Variants in ADK observed in about 807,000 individuals in gnomAD.
ADK encodes the protein adenosine kinase.
In ADK, 24 loss-of-function variants were observed where a neutral mutation model predicts 44.7. That is an observed-to-expected ratio of 0.54 (90% CI 0.39 to 0.76). The LOEUF is 0.76. ADK is among the 30% of genes least tolerant of loss of function. ADK has a pLI of 0.00. For synonymous variants in ADK, 128 were observed against 142.6 expected (o/e 0.90, Z 0.73); for missense variants, 321 against 425.1 (o/e 0.76, Z 2.15).
intron 1 of ADK, chr10:74,176,750 A>G (rs989814601): frequency 2.6e-6 from 4 of 1,542,072 alleles, no homozygotes; most frequent in Admixed American, 3.8e-5. Context: ...GGGGTGTGTG[A>G]GGACGCGCTC....
intron 6 of ADK, among the ~76,000 whole-genome samples, chr10:74,478,888 G>A (rs779751616): frequency 3.8e-4 from 58 of 152,266 alleles, no homozygotes; most frequent in Middle Eastern, 6.8e-3. Flanking sequence ...TTGAATTCCC[G>A]TGCCTTTACT....
intron 9 of ADK, among the ~76,000 whole-genome samples, chr10:74,631,543 C>A (rs1322168190): frequency 6.6e-6 from 1 of 151,862 alleles, no homozygotes; most frequent in Non-Finnish European, 1.5e-5. Flanking sequence ...CAGACGTGAG[C>A]CACTGTGCCT....
At chr10:74,660,646 C>G (rs1854676698) in intron 9 of ADK, among the ~76,000 whole-genome samples, 2 of 146,214 alleles carry the variant, frequency 1.4e-5, no homozygotes, top group Admixed American at 7.1e-5. Context: ...AGGAGGATCA[C>G]TTGAGCCAGG....
chr10:74,645,834 A>G (rs1056479111), intron 9 of ADK, among the ~76,000 whole-genome samples: 10 of 152,212 alleles, frequency 6.6e-5, no homozygotes, highest in African/African-American at 2.4e-4. Context: ...TTTCAAGGCT[A>G]TGCAAATTGT....
At chr10:74,214,740 CT>C (rs781087589) in intron 2 of ADK, among the ~76,000 whole-genome samples, 34 of 152,282 alleles carry the variant, frequency 2.2e-4, no homozygotes, top group Non-Finnish European at 4.0e-4. Context: ...TAAAAGTGCC[CT>C]TTCCTCCCTT....
At chr10:74,557,636 G>T (rs1227735965) in intron 7 of ADK, among the ~76,000 whole-genome samples, 1 of 152,060 alleles carries the variant, frequency 6.6e-6, no homozygotes, top group Admixed American at 6.6e-5. Flanking sequence ...AGAGAGAGAA[G>T]GGCATTTATT....
intron 10 of ADK, among the ~76,000 whole-genome samples, chr10:74,687,077 T>C (rs1325220815): frequency 6.6e-6 from 1 of 152,212 alleles, no homozygotes; most frequent in East Asian, 1.9e-4. Flanking sequence ...GAAGTAATGT[T>C]TATAAAGCAC....
At chr10:74,238,172 CTTT>C (rs961427398) in intron 3 of ADK, among the ~76,000 whole-genome samples, 29 of 152,254 alleles carry the variant, frequency 1.9e-4, no homozygotes, top group African/African-American at 6.7e-4. Context: ...CGCCCGTCTT[CTTT>C]TTTAAGAGCA....
chr10:74,495,403 G>A (rs543832096), intron 6 of ADK, among the ~76,000 whole-genome samples: 1 of 151,956 alleles, frequency 6.6e-6, no homozygotes, highest in South Asian at 2.1e-4. Context: ...ACTAGACAAT[G>A]TACAAAATGA....
intron 4 of ADK, among the ~76,000 whole-genome samples, chr10:74,366,379 A>G (rs1842499596): frequency 6.6e-6 from 1 of 152,188 alleles, no homozygotes; most frequent in African/African-American, 2.4e-5. Context: ...AGTAGCCTTC[A>G]TTGGTTGATA....
intron 7 of ADK, among the ~76,000 whole-genome samples, chr10:74,579,939 A>G (rs1249816113): frequency 6.6e-6 from 1 of 152,198 alleles, no homozygotes; most frequent in African/African-American, 2.4e-5. Context: ...CTTTTTTAGT[A>G]CTCAAAAGAA....
chr10:74,259,214 G>T (rs1845947531), intron 3 of ADK, among the ~76,000 whole-genome samples: 1 of 151,530 alleles, frequency 6.6e-6, no homozygotes, highest in Non-Finnish European at 1.5e-5. Flanking sequence ...CAAAGTGTTG[G>T]GATTACAGGT....
intron 9 of ADK, among the ~76,000 whole-genome samples, chr10:74,639,416 CTATA>C (rs1266306097): frequency 6.6e-6 from 1 of 152,162 alleles, no homozygotes; most frequent in Non-Finnish European, 1.5e-5. Flanking sequence ...CAACTTGAAA[CTATA>C]TATATTATGT....
Position 74,589,299 on chromosome 10 carries a change from T to G in ADK, c.744T>G (p.Ala248=), listed in dbSNP as rs1851638296. 6.2e-7 allele frequency: 1 copy of G among 1,613,654 alleles called. No individual in the cohort carries two copies. Among genetic ancestry groups the G allele is most frequent in the African/African-American group, 1.3e-5 (1 of 74,856 alleles). ...FGNETEAATF[A]REQGFETKDI... ...TATTTCAGGAAGCTGCCACTTTTGC[T>G]AGAGAGCAAGGCTTTGAGGTGAGTT... Residue 248 remains alanine, a synonymous_variant, in exon 8 of 11, where the codon GCT becomes GCG. Coordinates refer to ENST00000539909, the MANE Select transcript of ADK (RefSeq NM_006721.4).
chr10:74,392,319 G>A (rs1843363338), intron 4 of ADK, among the ~76,000 whole-genome samples: 1 of 152,108 alleles, frequency 6.6e-6, no homozygotes, highest in South Asian at 2.1e-4. Flanking sequence ...CATTTTGCCA[G>A]CATTTTTTGT....
At chr10:74,472,972 G>T (rs913779549) in intron 6 of ADK, among the ~76,000 whole-genome samples, 2 of 151,504 alleles carry the variant, frequency 1.3e-5, no homozygotes, top group African/African-American at 4.9e-5. Flanking sequence ...TGTTTGTTTT[G>T]GGGGGCAGAT....
chr10:74,448,030 A>G (rs760922120), intron 6 of ADK, among the ~76,000 whole-genome samples: 9 of 152,168 alleles, frequency 5.9e-5, no homozygotes, highest in Middle Eastern at 3.4e-3. Context: ...AAAAAATGGC[A>G]GACGTGGTGA....
At chr10:74,331,081 T>G (rs763785485) in intron 4 of ADK, among the ~76,000 whole-genome samples, 1 of 152,218 alleles carries the variant, frequency 6.6e-6, no homozygotes, top group Non-Finnish European at 1.5e-5. Context: ...ATAATCGTTT[T>G]GAGCTATAAG....
intron 5 of ADK, among the ~76,000 whole-genome samples, chr10:74,395,017 A>G (rs1316917400): frequency 6.6e-6 from 1 of 152,162 alleles, no homozygotes; most frequent in Non-Finnish European, 1.5e-5. Context: ...TGCACTGCTA[A>G]CGTTATTACC....
Sources: allele counts gnomAD v4.1 joint callset (sites outside exome capture counted in the v4.1 genomes callset), GRCh38; gene constraint gnomAD v4.1.1; transcripts MANE v1.5; gene names NCBI Gene and HGNC (gene_info 2026-07-23, HGNC 2026-07-21).